CRYZ: variants seen among roughly 807,000 people sequenced by gnomAD.
CRYZ encodes crystallin zeta.
A neutral mutation model predicts 34.1 loss-of-function variants in CRYZ; 35 were observed. The observed-to-expected ratio is 1.03, with a 90% confidence interval of 0.78 to 1.36. CRYZ has a LOEUF of 1.36. Among genes scored for constraint, CRYZ ranks in the 40% most tolerant of loss-of-function variants. CRYZ has a pLI of 0.00. For missense variants in CRYZ, 403 were observed against 391.8 expected, an observed-to-expected ratio of 1.03 and a Z score of -0.24; for synonymous variants, 137 against 136.5, an observed-to-expected ratio of 1.00 and a Z score of -0.03.
chr1:74,732,376 G>A (rs575225280), intron 1 of CRYZ, among the ~76,000 whole-genome samples: 1 of 132,330 alleles, frequency 7.6e-6, no homozygotes, highest in Non-Finnish European at 1.6e-5. Context: ...CCCTACCTAG[G>A]AGAAGAAATC....
intron 5 of CRYZ, among the ~76,000 whole-genome samples, chr1:74,712,651 A>G (rs2100700023): frequency 6.6e-6 from 1 of 152,310 alleles, no homozygotes; most frequent in East Asian, 1.9e-4. Flanking sequence ...TGGAGGAGAG[A>G]GACATCCAAT....
chr1:74,722,635 C>T (rs1264684697), intron 3 of CRYZ, among the ~76,000 whole-genome samples: 1 of 150,930 alleles, frequency 6.6e-6, no homozygotes, highest in Non-Finnish European at 1.5e-5. Flanking sequence ...TATATATATC[C>T]TGAGCATAAC....
intron 6 of CRYZ, chr1:74,708,296 T>A (rs190474307): frequency 6.6e-6 from 1 of 152,324 alleles, no homozygotes. Flanking sequence ...GTGTGGGGTT[T>A]TTTTTGTAGT....
intron 2 of CRYZ, 78 bp from the exon 3 acceptor site, chr1:74,723,348 T>C (rs575721954): frequency 1.4e-6 from 2 of 1,385,616 alleles, no homozygotes; most frequent in South Asian, 2.7e-5. Context: ...GTGCTGATTA[T>C]GGGAGCTATC....
intron 4 of CRYZ, among the ~76,000 whole-genome samples, chr1:74,717,608 A>C (rs1647095741): frequency 6.6e-6 from 1 of 152,128 alleles, no homozygotes; most frequent in South Asian, 2.1e-4. Context: ...AATTCTTACC[A>C]CACCCTAGCA....
At chr1:74,711,959 C>G (rs1647009969) in intron 5 of CRYZ, among the ~76,000 whole-genome samples, 1 of 152,042 alleles carries the variant, frequency 6.6e-6, no homozygotes, top group Non-Finnish European at 1.5e-5. Flanking sequence ...TGCCTGTAAT[C>G]CCAGCACTTT....
At position 74,710,900 on chromosome 1, in the gene CRYZ, T is replaced by C. The variant is rs572440136; in HGVS notation, c.481-653A>G. The stretch of plus-strand genomic sequence containing the variant: ...AAATAAATTCAGGAAATAAAAGTGC[T>C]AAGAAAAAATAAGACTGGCTGTTGG... On this transcript the variant is annotated intron_variant, in intron 5 of 8. Coordinates refer to ENST00000340866, the MANE Select transcript of CRYZ (RefSeq NM_001889.4). 7.9e-4 allele frequency among the ~76,000 whole-genome samples: 120 copies of C among 152,100 alleles called. 2 individuals carry two copies. The highest frequency in any genetic ancestry group is 1.2e-3 in the Non-Finnish European group (81 of 68,000).
intron 1 of CRYZ, among the ~76,000 whole-genome samples, chr1:74,726,148 C>T (rs1647326759): frequency 1.3e-5 from 2 of 152,320 alleles, no homozygotes; most frequent in South Asian, 4.1e-4. Context: ...CTTCTTCTCA[C>T]AGCTCCACCA....
chr1:74,711,245 G>T (rs936845583), intron 5 of CRYZ, among the ~76,000 whole-genome samples: 1 of 152,204 alleles, frequency 6.6e-6, no homozygotes, highest in African/African-American at 2.4e-5. Flanking sequence ...GCAGAACCAC[G>T]GGAGAGCTTA....
rs192218956 is a variant in CRYZ, at chr1:74,726,095, G to A, written c.-13-1261C>T. ...CAGCCTTTCCAGGCACACAGTGTAAGCTATCAGTGGATCTACCATTCTGGG... is the reference window on the plus strand; with the variant it reads ...CAGCCTTTCCAGGCACACAGTGTAAACTATCAGTGGATCTACCATTCTGGG... On this transcript the variant is annotated intron_variant, in intron 1 of 8. Transcript: ENST00000340866. 4.1e-3 allele frequency among the ~76,000 whole-genome samples: 629 copies of A among 152,306 alleles called. 7 individuals carry two copies. The highest frequency in any genetic ancestry group is 0.015 in the African/African-American group (605 of 41,578).
At chr1:74,714,457 T>C in intron 5 of CRYZ, 122 bp downstream of exon 5, 1 of 863,428 alleles carries the variant, frequency 1.2e-6, no homozygotes, top group Non-Finnish European at 1.8e-6. Context: ...TTTTACTACA[T>C]AAAGAAAAAA....
chr1:74,715,388 C>CAGA (rs777614061), intron 4 of CRYZ, among the ~76,000 whole-genome samples: 4 of 152,194 alleles, frequency 2.6e-5, no homozygotes, highest in Non-Finnish European at 5.9e-5. Flanking sequence ...CAAAAGCCAG[C>CAGA]AGATGCTGTG....
intron 4 of CRYZ, among the ~76,000 whole-genome samples, chr1:74,717,929 A>T (rs1025242219): frequency 6.6e-6 from 1 of 150,506 alleles, no homozygotes; most frequent in Admixed American, 6.6e-5. Context: ...ACCACTTTTC[A>T]CCTTGTCAAT....
intron 4 of CRYZ, among the ~76,000 whole-genome samples, chr1:74,718,348 G>C (rs949345037): frequency 6.6e-6 from 1 of 152,028 alleles, no homozygotes; most frequent in Non-Finnish European, 1.5e-5. Context: ...ACACACAGCA[G>C]ATAAGTCATC....
Position 74,723,158 on chromosome 1 carries a change from C to T in CRYZ, c.224G>A (p.Gly75Glu). 6.2e-7 allele frequency: 1 copy of T among 1,613,848 alleles called. No individual in the cohort carries two copies. Among genetic ancestry groups the T allele is most frequent in the Non-Finnish European group, 8.5e-7 (1 of 1,179,936 alleles). The change falls in exon 3 of 9, where the codon GGG (glycine) becomes GAG (glutamate). Residue 75 changes from glycine (G) to glutamate (E), a missense_variant. Gly to Glu is a moderately conservative substitution (Grantham distance 98). Transcript: ENST00000340866. ...ATTATCTCCAACAGCTTCTATCACC[C>T]CAGCCACATCTGAGCCAGGAGTATA... Reference protein sequence around the residue: ...LPYTPGSDVAGVIEAVGDNAS... With the variant: ...LPYTPGSDVAEVIEAVGDNAS...
chr1:74,732,597 C>CGGGGGGGGGGGG, intron 1 of CRYZ, among the ~76,000 whole-genome samples: 1 of 52,696 alleles, frequency 1.9e-5, no homozygotes, highest in East Asian at 2.7e-4. Context: ...GGGTGACTGG[C>CGGGGGGGGGGGG]GGGGGGGGGG....
intron 8 of CRYZ, 27 bp from the exon 9 acceptor site, chr1:74,706,484 T>C (rs762238147): frequency 6.3e-7 from 1 of 1,584,708 alleles, no homozygotes; most frequent in South Asian, 1.2e-5. Context: ...CAAATTTCTT[T>C]TTGTAGTGAA....
At chr1:74,731,945 A>C (rs1303181962) in intron 1 of CRYZ, among the ~76,000 whole-genome samples, 1 of 152,308 alleles carries the variant, frequency 6.6e-6, no homozygotes, top group Middle Eastern at 3.4e-3. Flanking sequence ...AGGGTCAATA[A>C]AACTATACAT....
At chr1:74,719,074 T>C in intron 4 of CRYZ, 135 bp downstream of exon 4, 1 of 846,654 alleles carries the variant, frequency 1.2e-6, no homozygotes, top group Non-Finnish European at 1.8e-6. Flanking sequence ...ACAGTTTCCA[T>C]TATATAAATG....
Sources: gnomAD v4.1 joint callset for allele counts (sites outside exome capture counted in the v4.1 genomes callset) on GRCh38, gnomAD v4.1.1 for gene constraint, MANE v1.5 for transcripts, NCBI Gene and HGNC (gene_info 2026-07-23, HGNC 2026-07-21) for gene names.